Variants in AGPAT5 observed in about 807,000 individuals in gnomAD.
AGPAT5 encodes 1-acyl-sn-glycerol-3-phosphate acyltransferase epsilon.
A neutral mutation model predicts 45.6 loss-of-function variants in AGPAT5; 46 were observed. The observed-to-expected ratio is 1.01, with a 90% CI of 0.80 to 1.29. The LOEUF (loss-of-function observed/expected upper bound fraction) is 1.29, where lower values mean the gene tolerates loss of function less well. Among genes scored for constraint, AGPAT5 ranks in the 50% most tolerant of loss-of-function variants. The pLI is 0.00. For synonymous variants in AGPAT5, 272 were observed against 167.0 expected (o/e 1.63, Z -4.85); for missense variants, 673 against 450.7 (o/e 1.49, Z -4.47).
chr8:6,732,738 A>G (rs571345904), intron 4 of AGPAT5, 88 bp downstream of exon 4: 27 of 1,187,960 alleles, frequency 2.3e-5, no homozygotes, highest in Admixed American at 8.7e-5. Flanking sequence ...TGTTTTGACA[A>G]TGTATTTTCC....
chr8:6,757,041 T>A, intron 7 of AGPAT5, 122 bp from the exon 8 acceptor site: 2 of 689,980 alleles, frequency 2.9e-6, no homozygotes, highest in Non-Finnish European at 4.9e-6. Flanking sequence ...TGTTTCCGTA[T>A]TCATCCTTAT....
At chr8:6,733,106 G>C (rs1300186963) in intron 4 of AGPAT5, among the ~76,000 whole-genome samples, 1 of 152,186 alleles carries the variant, frequency 6.6e-6, no homozygotes, top group Non-Finnish European at 1.5e-5. Context: ...AAATCATTCA[G>C]TGTAAATAAT....
chr8:6,746,818 C>G (rs992286001), intron 5 of AGPAT5, among the ~76,000 whole-genome samples: 2 of 152,150 alleles, frequency 1.3e-5, no homozygotes, highest in African/African-American at 4.8e-5. Flanking sequence ...TTTCATGTCA[C>G]TTATTGAGAG....
intron 1 of AGPAT5, among the ~76,000 whole-genome samples, chr8:6,711,913 G>A (rs928449111): frequency 6.6e-5 from 10 of 152,144 alleles, no homozygotes; most frequent in African/African-American, 2.2e-4. Context: ...TGGATATTCC[G>A]GGATGATCTC....
intron 5 of AGPAT5, among the ~76,000 whole-genome samples, chr8:6,747,232 A>T (rs1801505831): frequency 6.6e-6 from 1 of 152,256 alleles, no homozygotes; most frequent in Admixed American, 6.5e-5. Context: ...GCAGCCACAC[A>T]GATGAACCTC....
chr8:6,726,602 G>T (rs1196847380), intron 2 of AGPAT5, among the ~76,000 whole-genome samples: 2 of 152,000 alleles, frequency 1.3e-5, no homozygotes, highest in Non-Finnish European at 2.9e-5. Context: ...TATTCCTTCA[G>T]ATTAAGGACT....
Position 6,757,407 on chromosome 8 carries a change from A to T in AGPAT5, c.*19A>T, listed in dbSNP as rs779662058. On this transcript the variant is annotated 3_prime_UTR_variant, in exon 8 of 8. Transcript: ENST00000285518. ...AGCATAGACAAGTAGCTGTCTCCAGACAGTGGGATGTGCTACATTGTCTAT... is the reference window on the plus strand; with the variant it reads ...AGCATAGACAAGTAGCTGTCTCCAGTCAGTGGGATGTGCTACATTGTCTAT... 1.9e-6 allele frequency: 3 copies of T among 1,598,608 alleles called. No individual in the cohort carries two copies. Among genetic ancestry groups the T allele is most frequent in the Non-Finnish European group, 2.6e-6 (3 of 1,165,982 alleles).
chr8:6,752,327 T>C (rs1413304952), intron 6 of AGPAT5, among the ~76,000 whole-genome samples: 1 of 152,220 alleles, frequency 6.6e-6, no homozygotes, highest in East Asian at 1.9e-4. Context: ...TTTTATAATG[T>C]CTATATGTTG....
At position 6,708,657 on chromosome 8, in the gene AGPAT5, C is replaced by T. The variant is rs375237027; in HGVS notation, c.-12C>T. On this transcript the variant is annotated 5_prime_UTR_variant, in exon 1 of 8. Coordinates refer to ENST00000285518, the MANE Select transcript of AGPAT5 (RefSeq NM_018361.5). ...GAGCGCAGGCGGAGCTCGCTGCCGC[C>T]GAGCTGAGAAGATGCTGCTGTCCCT... 1.3e-6 allele frequency: 2 copies of T among 1,532,604 alleles called. 1 individual carries two copies. Among genetic ancestry groups the T allele is most frequent in the Non-Finnish European group, 1.7e-6 (2 of 1,145,386 alleles). The allele number at this position is 1,532,604 out of a possible 1,614,324, so 94.9% of individuals were successfully genotyped here.
At chr8:6,730,681 G>A in intron 2 of AGPAT5, 30 bp from the exon 3 acceptor site, 2 of 1,486,284 alleles carry the variant, frequency 1.3e-6, no homozygotes, top group East Asian at 2.3e-5. Context: ...AGAGCCTCAT[G>A]TACGCGCTAA....
intron 4 of AGPAT5, among the ~76,000 whole-genome samples, chr8:6,737,795 C>G (rs916295355): frequency 1.3e-5 from 2 of 152,188 alleles, no homozygotes; most frequent in Non-Finnish European, 2.9e-5. Flanking sequence ...TTCTGGATAA[C>G]TTGCTATAGC....
In AGPAT5 at chr8:6,758,300, C is replaced by T. The variant is rs563016000; in HGVS notation, c.*912C>T. The stretch of plus-strand genomic sequence containing the variant: ...GTGATGAGAGCCTGCAGACATTCTG[C>T]CTAGATTTACTAGCGTGTGCCTTTT... On this transcript the variant is annotated 3_prime_UTR_variant, in exon 8 of 8. Transcript: ENST00000285518. The T allele has an allele frequency of 6.5e-6, 1 of 152,734 alleles. No homozygotes were observed. Among genetic ancestry groups the T allele is most frequent in the South Asian group, 2.1e-4 (1 of 4,822 alleles). 9.5% of individuals were successfully genotyped at this position (152,734 alleles called of 1,614,324 possible). A position where few individuals can be genotyped will look rare whatever the true frequency, so the allele number is the denominator to read the frequency against.
In AGPAT5 at chr8:6,759,110, A is replaced by T. The variant is rs1032869310; in HGVS notation, c.*1722A>T. The T allele has an allele frequency of 7.2e-5, 11 of 152,200 alleles. No homozygotes were observed. The highest frequency in any genetic ancestry group is 1.5e-4 in the Non-Finnish European group (10 of 68,032). The allele number at this position is 152,200 out of a possible 1,614,324, so 9.4% of individuals were successfully genotyped here. ...GGCCTAATAATCGGGGCATGGGTAA[A>T]ACTTATGAAAATTTCCTCATGCTGA... On this transcript the variant is annotated 3_prime_UTR_variant, in exon 8 of 8. Coordinates refer to ENST00000285518, the MANE Select transcript of AGPAT5 (RefSeq NM_018361.5).
chr8:6,741,851 AATGAATGTATTCATT>A, intron 5 of AGPAT5, 100 bp downstream of exon 5: 1 of 895,116 alleles, frequency 1.1e-6, no homozygotes, highest in Non-Finnish European at 1.8e-6. Context: ...CAGTTGAAGG[AATGAATGTATTCATT>A]CCTTGAATTA....
intron 7 of AGPAT5, 60 bp from the exon 8 acceptor site, chr8:6,757,103 A>G (rs919960855): frequency 1.5e-6 from 2 of 1,317,408 alleles, no homozygotes; most frequent in Admixed American, 2.0e-5. Flanking sequence ...CCTGATTGAT[A>G]TTTTTTGAAT....
At chr8:6,711,959 C>G (rs1800169619) in intron 1 of AGPAT5, among the ~76,000 whole-genome samples, 1 of 152,198 alleles carries the variant, frequency 6.6e-6, no homozygotes, top group Non-Finnish European at 1.5e-5. Flanking sequence ...CTGCAAAGAG[C>G]CTTTTTCCAA....
At position 6,708,778 on chromosome 8, in the gene AGPAT5, T is replaced by TGCTCTCCGCCTTCCTGCCCGCC; in HGVS notation, c.111_132dup (p.Arg45AlafsTer47). ...GTGTTGGCCTGGGGGGTCTGGCGGC[T>TGCTCTCCGCCTTCCTGCCCGCC]GCTCTCCGCCTTCCTGCCCGCCCGC... On this transcript the variant is annotated frameshift_variant, in exon 1 of 8. Coordinates refer to ENST00000285518, the MANE Select transcript of AGPAT5 (RefSeq NM_018361.5). LOFTEE classifies it high-confidence loss of function. The TGCTCTCCGCCTTCCTGCCCGCC allele has an allele frequency of 6.2e-7, 1 of 1,609,084 alleles. No homozygotes were observed.
chr8:6,729,300 CT>C (rs1800786865), intron 2 of AGPAT5, among the ~76,000 whole-genome samples: 1 of 150,366 alleles, frequency 6.7e-6, no homozygotes, highest in African/African-American at 2.5e-5. Context: ...TTGGCTAAAA[CT>C]TTATTGTAAT....
intron 5 of AGPAT5, chr8:6,745,031 G>C (rs955256122): frequency 1.3e-5 from 2 of 152,352 alleles, no homozygotes; most frequent in Non-Finnish European, 2.9e-5. Context: ...TGGTTTTCAC[G>C]GATTTTTGTT....
Sources: gnomAD v4.1 joint callset for allele counts (sites outside exome capture counted in the v4.1 genomes callset) on GRCh38, gnomAD v4.1.1 for gene constraint, MANE v1.5 for transcripts, NCBI Gene and HGNC (gene_info 2026-07-23, HGNC 2026-07-21) for gene names.